The following ULK2 variants were observed in gnomAD, a reference collection of about 807,000 sequenced individuals.
ULK2 encodes the protein unc-51 like autophagy activating kinase 2, also known as serine/threonine-protein kinase ULK2.
A neutral mutation model predicts 127.5 loss-of-function variants in ULK2; 76 were observed. The ratio of observed to expected loss-of-function variants is 0.60; its 90% CI spans 0.50 to 0.72. The LOEUF is 0.72. Ranked by LOEUF, ULK2 falls within the 30% of genes least tolerant of loss-of-function variation. The pLI is 0.00. For synonymous variants in ULK2, 452 were observed against 461.9 expected (o/e 0.98, Z 0.28); for missense variants, 1,144 against 1,295.9 (o/e 0.88, Z 1.80).
At chr17:19,791,844 C>CAAAAAAAAAAAAAA (rs58434256) in intron 20 of ULK2, among the ~76,000 whole-genome samples, 1 of 48,252 alleles carries the variant, frequency 2.1e-5, no homozygotes, top group Admixed American at 2.8e-4. Context: ...ACCCTGTTTA[C>CAAAAAAAAAAAAAA]AAAAAAAAAA....
intron 9 of ULK2, chr17:19,840,292 G>A (rs1241625782): frequency 5.5e-5 from 29 of 523,992 alleles, no homozygotes; most frequent in Admixed American, 3.9e-4. Flanking sequence ...AACCCCAACC[G>A]CAGAGGGCTC....
chr17:19,829,434 G>C (rs189058178), intron 10 of ULK2, among the ~76,000 whole-genome samples: 1 of 151,464 alleles, frequency 6.6e-6, no homozygotes, highest in East Asian at 1.9e-4. Flanking sequence ...CTACTTGAGG[G>C]GCAGAGGTGA....
intron 1 of ULK2, among the ~76,000 whole-genome samples, chr17:19,866,963 G>A (rs781715736): frequency 6.6e-6 from 1 of 152,108 alleles, no homozygotes; most frequent in Non-Finnish European, 1.5e-5. Flanking sequence ...ACCAGCCCTG[G>A]GCACGGGGAA....
intron 20 of ULK2, among the ~76,000 whole-genome samples, chr17:19,792,865 G>T (rs955135376): frequency 6.6e-6 from 1 of 152,094 alleles, no homozygotes; most frequent in South Asian, 2.1e-4. Flanking sequence ...AGAAAAACTC[G>T]TATTTCCTGA....
At chr17:19,814,428 A>C (rs2040919733) in intron 13 of ULK2, among the ~76,000 whole-genome samples, 1 of 14,436 alleles carries the variant, frequency 6.9e-5, no homozygotes, top group South Asian at 1.9e-3. Context: ...ATATATATAT[A>C]TATATATATA....
At chr17:19,785,247 C>T (rs1293877974) in intron 21 of ULK2, among the ~76,000 whole-genome samples, 1 of 152,036 alleles carries the variant, frequency 6.6e-6, no homozygotes. Context: ...GAGTTTCGCT[C>T]GTTACCCAGG....
chr17:19,816,233 A>G (rs1321525889), intron 13 of ULK2, among the ~76,000 whole-genome samples: 2 of 152,150 alleles, frequency 1.3e-5, no homozygotes, highest in Non-Finnish European at 2.9e-5. Context: ...GTTTTACCTA[A>G]TATCTCTTTT....
intron 3 of ULK2, among the ~76,000 whole-genome samples, chr17:19,856,628 G>C (rs978368506): frequency 1.3e-5 from 2 of 150,938 alleles, no homozygotes; most frequent in Admixed American, 1.3e-4. Context: ...GACATGTATC[G>C]TTTGTTCCTT....
chr17:19,804,753 C>T lies in ULK2; in HGVS notation c.1235G>A (p.Arg412His), dbSNP rs755603472. Residue 412 changes from arginine to histidine, a missense_variant, in exon 15 of 27, where the codon CGC becomes CAC. Transcript: ENST00000395544. ...PVPTQIRNYQ[R>H]IEQNLTSTAS... ...AGTAGATGTAAGATTCTGCTCTATG[C>T]GCTGATAATTCCTTATTTGAGTAGG... The T allele has an allele frequency of 1.7e-5, 27 of 1,612,490 alleles. No homozygotes were observed. The highest frequency in any genetic ancestry group is 4.4e-5 in the South Asian group (4 of 90,832).
chr17:19,856,559 G>A (rs988666050), intron 3 of ULK2, among the ~76,000 whole-genome samples: 20 of 151,814 alleles, frequency 1.3e-4, no homozygotes, highest in Non-Finnish European at 2.1e-4. Flanking sequence ...TCTAGCCTGG[G>A]CGACAGAGCG....
rs1460480110 is a variant in ULK2, at chr17:19,816,900, A to G, written c.945T>C (p.His315=). The G allele has an allele frequency of 3.1e-6, 5 of 1,606,280 alleles. No homozygotes were observed. The highest frequency in any genetic ancestry group is 2.7e-5 in the African/African-American group (2 of 74,460). ...GGGAAGATAAGTTTTCTTCCTGAAT[A>G]TGCTGCATATCTGGAAGGGACTAAA... is the stretch of plus-strand genomic sequence containing the variant. The part of the protein sequence containing the change: ...ASPPSLPDMQ[H]IQEENLSSPP... Residue 315 remains histidine, a synonymous_variant, in exon 13 of 27, where the codon CAT becomes CAC. Transcript: ENST00000395544.
chr17:19,866,818 A>G (rs2042360521), intron 1 of ULK2, among the ~76,000 whole-genome samples: 1 of 152,158 alleles, frequency 6.6e-6, no homozygotes, highest in Non-Finnish European at 1.5e-5. Context: ...CCGGGGGGGA[A>G]AACGGTACGG....
At chr17:19,821,775 C>T (rs2041152314) in intron 12 of ULK2, among the ~76,000 whole-genome samples, 1 of 152,102 alleles carries the variant, frequency 6.6e-6, no homozygotes, top group Admixed American at 6.5e-5. Context: ...CAGGGTCTCT[C>T]TGTATCCAGG....
chr17:19,857,518 C>T (rs1273444404), intron 3 of ULK2, among the ~76,000 whole-genome samples: 1 of 152,020 alleles, frequency 6.6e-6, no homozygotes, highest in Non-Finnish European at 1.5e-5. Context: ...GAATGGTGTT[C>T]CAATTCTATT....
chr17:19,784,385 A>AGGAAT (rs2086983143), intron 21 of ULK2, among the ~76,000 whole-genome samples: 1 of 152,124 alleles, frequency 6.6e-6, no homozygotes, highest in Non-Finnish European at 1.5e-5. Flanking sequence ...TGGTATAAGA[A>AGGAAT]GGAATGGAAT....
At chr17:19,810,018 T>G (rs1435641370) in intron 14 of ULK2, among the ~76,000 whole-genome samples, 1 of 151,964 alleles carries the variant, frequency 6.6e-6, no homozygotes, top group African/African-American at 2.4e-5. Context: ...GATCATGAGA[T>G]CAGGAGATCG....
chr17:19,799,521 T>A lies in ULK2; in HGVS notation c.1496A>T (p.His499Leu). The A allele has an allele frequency of 1.3e-6, 2 of 1,582,930 alleles. No homozygotes were observed. The highest frequency in any genetic ancestry group is 1.7e-6 in the Non-Finnish European group (2 of 1,170,952). Residue 499 changes from histidine (H) to leucine (L), a missense_variant, in exon 17 of 27, where the codon CAT (histidine) becomes CTT (leucine). Coordinates refer to ENST00000395544, the MANE Select transcript of ULK2 (RefSeq NM_014683.4). ...TGAGGAGTTTCTACTCCTGGAGTCA[T>A]GGCCCTGAGGATGCCCACAGCAGCA... The part of the protein sequence containing the change: ...SQCCCGHPQG[H>L]DSRSRNSSGS...
chr17:19,809,064 T>C (rs1338037901), intron 14 of ULK2, among the ~76,000 whole-genome samples: 1 of 152,158 alleles, frequency 6.6e-6, no homozygotes. Flanking sequence ...ATGTAGCATA[T>C]ACATACCATG....
intron 10 of ULK2, among the ~76,000 whole-genome samples, chr17:19,833,348 A>C (rs1170431768): frequency 7.3e-6 from 1 of 137,518 alleles, no homozygotes; most frequent in Non-Finnish European, 1.6e-5. Flanking sequence ...AAAGACTTTA[A>C]AGCAGTTATT....
Sources: gnomAD v4.1 joint callset for allele counts (sites outside exome capture counted in the v4.1 genomes callset) on GRCh38, gnomAD v4.1.1 for gene constraint, MANE v1.5 for transcripts, NCBI Gene and HGNC (gene_info 2026-07-23, HGNC 2026-07-21) for gene names.